Variants in PMEPA1 observed in about 807,000 individuals in gnomAD.
PMEPA1 encodes prostate transmembrane protein, androgen induced 1.
PMEPA1 carries 11 observed loss-of-function variants against 23.0 expected under a neutral mutation model. That is an observed-to-expected ratio of 0.48 (90% CI 0.30 to 0.79). PMEPA1 has a LOEUF of 0.79. Ranked by LOEUF, PMEPA1 falls within the 30% of genes least tolerant of loss-of-function variation. The probability of loss-of-function intolerance (pLI) is 0.06; values close to 1 mark genes in which losing one functional copy is unlikely to be tolerated. For synonymous variants in PMEPA1, 204 were observed against 166.4 expected (o/e 1.23, Z -1.74); for missense variants, 377 against 390.9 (o/e 0.96, Z 0.30).
In PMEPA1 at chr20:57,704,592, C is replaced by G. The variant is rs771578933; in HGVS notation, c.109+4882G>C. On this transcript the variant is annotated intron_variant, in intron 1 of 3. Transcript: ENST00000341744. The surrounding 1 kb of genome is among the most constrained non-coding windows in gnomAD (Gnocchi z 4.6). ...TCTCTTTGGGCAGGATCCCAGACACCGAGGTGCCTGCAAACTTGGTCTCTG... is the reference window on the plus strand; with the variant it reads ...TCTCTTTGGGCAGGATCCCAGACACGGAGGTGCCTGCAAACTTGGTCTCTG... Among the ~76,000 whole-genome samples, 1 of 152,194 alleles carries G rather than the reference C, an allele frequency of 6.6e-6. No individual in the cohort carries two copies. Among genetic ancestry groups the G allele is most frequent in the Admixed American group, 6.5e-5 (1 of 15,272 alleles).
At chr20:57,677,388 T>A (rs2071652122) in intron 1 of PMEPA1, among the ~76,000 whole-genome samples, 1 of 152,184 alleles carries the variant, frequency 6.6e-6, no homozygotes, top group Non-Finnish European at 1.5e-5. Flanking sequence ...TTCTAAGTGC[T>A]TGCTTGTTCA....
intron 1 of PMEPA1, among the ~76,000 whole-genome samples, chr20:57,661,180 C>T (rs1401547789): frequency 1.3e-5 from 2 of 152,146 alleles, no homozygotes; most frequent in Non-Finnish European, 2.9e-5. Context: ...CCCTAGAAGG[C>T]GGAAAAACCC....
At chr20:57,694,853 C>T (rs2146702423) in intron 1 of PMEPA1, among the ~76,000 whole-genome samples, 1 of 152,304 alleles carries the variant, frequency 6.6e-6, no homozygotes, top group Non-Finnish European at 1.5e-5. Flanking sequence ...ACTTCTATCT[C>T]TAGATGAAAA....
chr20:57,657,540 C>T (rs780778493), intron 2 of PMEPA1, among the ~76,000 whole-genome samples: 5 of 152,228 alleles, frequency 3.3e-5, no homozygotes, highest in Admixed American at 1.3e-4. Context: ...ATAAACACGT[C>T]GGGGCTTGAG....
intron 1 of PMEPA1, among the ~76,000 whole-genome samples, chr20:57,701,202 C>A (rs1178106602): frequency 2.0e-5 from 3 of 152,160 alleles, no homozygotes; most frequent in Admixed American, 2.0e-4. Flanking sequence ...TTAGAATGTG[C>A]TGGAGCATTA....
At chr20:57,684,926 A>T (rs762170346) in intron 1 of PMEPA1, among the ~76,000 whole-genome samples, 2 of 152,114 alleles carry the variant, frequency 1.3e-5, no homozygotes, top group African/African-American at 2.4e-5. Flanking sequence ...TTTTTCGATG[A>T]TGGTATAAAA....
In PMEPA1 at chr20:57,653,057, T is replaced by G. The variant is rs1337329157; in HGVS notation, c.294A>C (p.Thr98=). The change falls in exon 3 of 4, where the codon ACA becomes ACC. Residue 98 remains threonine (T), a synonymous_variant. Transcript: ENST00000341744. The part of the protein sequence containing the change: ...SEGCLWPSES[T]VSGNGIPEPQ... ...CCTCTGGGATTCCGTTGCCTGACACTGTGCTCTCCGAGGGCCACAGGCATC... is the reference window on the plus strand; with the variant it reads ...CCTCTGGGATTCCGTTGCCTGACACGGTGCTCTCCGAGGGCCACAGGCATC... 1.3e-6 allele frequency: 2 copies of G among 1,594,820 alleles called. No homozygotes were observed. The highest frequency in any genetic ancestry group is 2.7e-5 in the African/African-American group (2 of 74,612).
chr20:57,685,523 C>A (rs891182864), intron 1 of PMEPA1, among the ~76,000 whole-genome samples: 1 of 152,136 alleles, frequency 6.6e-6, no homozygotes, highest in African/African-American at 2.4e-5. Flanking sequence ...GCTTTCTCGG[C>A]CTAAAACGAT....
rs186804974 is a variant in PMEPA1, at chr20:57,668,508, C to A, written c.110-8811G>T. Among the ~76,000 whole-genome samples, 72 of 152,332 alleles carry A rather than the reference C, an allele frequency of 4.7e-4. No homozygotes were observed. In the East Asian group the frequency reaches 0.013, roughly 28 times the overall value. ...GGGCTAGGCTCCTCCTACGCCTGTCCCCTGTCCCCACAAGACATGAGCTGC... is the reference window on the plus strand; with the variant it reads ...GGGCTAGGCTCCTCCTACGCCTGTCACCTGTCCCCACAAGACATGAGCTGC... On this transcript the variant is annotated intron_variant, in intron 1 of 3. Transcript: ENST00000341744.
At chr20:57,706,158 C>T (rs1311835041) in intron 1 of PMEPA1, among the ~76,000 whole-genome samples, 1 of 152,168 alleles carries the variant, frequency 6.6e-6, no homozygotes, top group Non-Finnish European at 1.5e-5. Flanking sequence ...AGGGCAGGGG[C>T]ACCTCCCAGA....
At chr20:57,670,769 T>C (rs1378705773) in intron 1 of PMEPA1, among the ~76,000 whole-genome samples, 1 of 152,168 alleles carries the variant, frequency 6.6e-6, no homozygotes, top group African/African-American at 2.4e-5. Flanking sequence ...TGGTACCCTG[T>C]TCTAGTTTGC....
intron 2 of PMEPA1, among the ~76,000 whole-genome samples, chr20:57,653,823 C>T (rs890206168): frequency 2.0e-5 from 3 of 152,196 alleles, no homozygotes; most frequent in Non-Finnish European, 2.9e-5. Flanking sequence ...GGGCCTCTCC[C>T]GTGAACCTTG....
chr20:57,708,573 C>A (rs1392801305), intron 1 of PMEPA1, among the ~76,000 whole-genome samples: 6 of 152,196 alleles, frequency 3.9e-5, no homozygotes, highest in African/African-American at 1.4e-4. Context: ...CAGGCAGTCC[C>A]AAACACAAAC....
At chr20:57,709,200 G>C (rs1011609735) in intron 1 of PMEPA1, among the ~76,000 whole-genome samples, 3 of 151,164 alleles carry the variant, frequency 2.0e-5, no homozygotes, top group South Asian at 2.1e-4. Context: ...CTCCCGCGCC[G>C]TGCGCCGCCG....
At position 57,685,993 on chromosome 20, in the gene PMEPA1, G is replaced by C. The variant is rs1345217810; in HGVS notation, c.109+23481C>G. Among the ~76,000 whole-genome samples the C allele has an allele frequency of 3.3e-5, 5 of 152,152 alleles. 1 individual carries two copies. The highest frequency in any genetic ancestry group is 7.3e-5 in the Non-Finnish European group (5 of 68,034). On this transcript the variant is annotated intron_variant, in intron 1 of 3. Transcript: ENST00000341744. ...CCAGGAAAGAAAGACAGGGTTGGAG[G>C]TGGGCTGGCTGCAAGGGTGTGGCCC... is the stretch of plus-strand genomic sequence containing the variant.
chr20:57,678,632 G>A (rs1377320665), intron 1 of PMEPA1, among the ~76,000 whole-genome samples: 1 of 152,208 alleles, frequency 6.6e-6, no homozygotes, highest in Non-Finnish European at 1.5e-5. Context: ...TCTCTCGGCT[G>A]TCATCTCTCC....
intron 2 of PMEPA1, 137 bp from the exon 3 acceptor site, chr20:57,653,223 GC>G (rs1179631422): frequency 1.4e-6 from 1 of 733,476 alleles, no homozygotes; most frequent in African/African-American, 1.7e-5. Flanking sequence ...ATCGGAACCA[GC>G]TTCCCCAGCC....
At chr20:57,710,393 C>A (rs1447725712), upstream of PMEPA1, 7 of 1,540,526 alleles carry the variant, frequency 4.5e-6, no homozygotes, top group Non-Finnish European at 6.2e-6. Context: ...CTGAGGAGCA[C>A]AAGGTCCCTG....
At position 57,648,567 on chromosome 20, in the gene PMEPA1, A is replaced by T. The variant is rs556174917; in HGVS notation, c.*3486T>A. 6.5e-6 allele frequency: 1 copy of T among 152,746 alleles called. No homozygotes were observed. Among genetic ancestry groups the T allele is most frequent in the Admixed American group, 6.5e-5 (1 of 15,308 alleles). 9.5% of individuals were successfully genotyped at this position (152,746 alleles called of 1,614,324 possible). ...TGGGTGCGCGCCCCGCATGCCACGG[A>T]AAGCTTACATAAGTTTAACTTGAAC... On this transcript the variant is annotated 3_prime_UTR_variant, in exon 4 of 4. Coordinates refer to ENST00000341744, the MANE Select transcript of PMEPA1 (RefSeq NM_020182.5).
Sources: allele counts gnomAD v4.1 joint callset (sites outside exome capture counted in the v4.1 genomes callset), GRCh38; gene constraint gnomAD v4.1.1; non-coding constraint Gnocchi (gnomAD v3.1); transcripts MANE v1.5; gene names NCBI Gene and HGNC (gene_info 2026-07-23, HGNC 2026-07-21).